Variants in MAST2 observed in about 807,000 individuals in gnomAD.
MAST2 encodes microtubule-associated serine/threonine-protein kinase 2.
A neutral mutation model predicts 147.4 loss-of-function variants in MAST2; 70 were observed. The observed-to-expected ratio is 0.47, with a 90% CI of 0.39 to 0.58. The LOEUF is 0.58. Ranked by LOEUF, MAST2 falls within the 20% of genes least tolerant of loss-of-function variation. The probability of loss-of-function intolerance (pLI) is 0.00; values close to 1 mark genes in which losing one functional copy is unlikely to be tolerated. For missense variants in MAST2, 2,080 were observed against 2,302.3 expected, an observed-to-expected ratio of 0.90 and a Z score of 1.98; for synonymous variants, 869 against 896.8, an observed-to-expected ratio of 0.97 and a Z score of 0.55.
intron 4 of MAST2, among the ~76,000 whole-genome samples, chr1:45,918,893 G>C (rs1056293298): frequency 2.1e-4 from 32 of 152,258 alleles, no homozygotes; most frequent in African/African-American, 7.0e-4. Flanking sequence ...TGAGCGGATT[G>C]CTTGAGTTCA....
chr1:45,880,149 A>T (rs1045526463), intron 3 of MAST2, among the ~76,000 whole-genome samples: 1 of 152,226 alleles, frequency 6.6e-6, no homozygotes, highest in Admixed American at 6.5e-5. Flanking sequence ...TAGCTTGTCA[A>T]AAAACATGTT....
At chr1:45,910,237 T>G (rs1651471645) in intron 4 of MAST2, among the ~76,000 whole-genome samples, 1 of 152,042 alleles carries the variant, frequency 6.6e-6, no homozygotes, top group African/African-American at 2.4e-5. Context: ...TCATTTTCAG[T>G]GATCTGTAGG....
intron 3 of MAST2, among the ~76,000 whole-genome samples, chr1:45,869,720 T>A (rs1181008661): frequency 1.3e-5 from 2 of 152,252 alleles, no homozygotes; most frequent in Non-Finnish European, 2.9e-5. Context: ...TTTCTTACTG[T>A]TACAAAAAAT....
chr1:45,986,486 C>T (rs987311673), intron 5 of MAST2, among the ~76,000 whole-genome samples: 3 of 151,966 alleles, frequency 2.0e-5, no homozygotes, highest in Non-Finnish European at 4.4e-5. Context: ...GAGGCCGAGG[C>T]GGGCGGATCA....
At chr1:45,840,397 A>G (rs1281781164) in intron 3 of MAST2, among the ~76,000 whole-genome samples, 1 of 152,202 alleles carries the variant, frequency 6.6e-6, no homozygotes, top group Non-Finnish European at 1.5e-5. Flanking sequence ...GAATGAAATC[A>G]TTGTGAATGC....
chr1:45,829,814 G>A (rs1039113120), intron 3 of MAST2, among the ~76,000 whole-genome samples: 1 of 151,548 alleles, frequency 6.6e-6, no homozygotes, highest in Non-Finnish European at 1.5e-5. Context: ...AACCTTCCAA[G>A]TAGCAGGGAC....
chr1:45,973,587 C>A (rs1037246967), intron 5 of MAST2, among the ~76,000 whole-genome samples: 2 of 152,120 alleles, frequency 1.3e-5, no homozygotes, highest in African/African-American at 2.4e-5. Flanking sequence ...GATCTTAAAT[C>A]TGTGTGTCTA....
At chr1:46,015,796 A>G (rs1402878717) in intron 10 of MAST2, among the ~76,000 whole-genome samples, 2 of 152,246 alleles carry the variant, frequency 1.3e-5, no homozygotes, top group Admixed American at 1.3e-4. Flanking sequence ...ATCAATAGAA[A>G]AAGAGGGAAT....
In MAST2 at chr1:46,032,246, C is replaced by T. The variant is rs376892493; in HGVS notation, c.3256C>T (p.Arg1086Trp). ...PHSQSSNPSS[R>W]DSSPSRDFLP... is the part of the protein sequence containing the mutation. ...TTCTCAGTCGTCCAACCCATCATCCCGGGACTCTTCTCCAAGCAGGGACTT... is the reference window on the plus strand; with the variant it reads ...TTCTCAGTCGTCCAACCCATCATCCTGGGACTCTTCTCCAAGCAGGGACTT... The change falls in exon 25 of 29, where the codon CGG (arginine) becomes TGG (tryptophan). Residue 1086 changes from arginine to tryptophan, a missense_variant. This residue lies in a region of MAST2 where 1,278 missense variants were observed against 1,304.2 expected (regional missense o/e 0.98). Coordinates refer to ENST00000361297, the MANE Select transcript of MAST2 (RefSeq NM_015112.3). 66 of 1,614,072 alleles carry T rather than the reference C, an allele frequency of 4.1e-5. No individual in the cohort carries two copies. The African/African-American group carries it at 5.1e-4, about 12-fold the overall frequency.
At chr1:45,941,602 A>G (rs973094460) in intron 4 of MAST2, among the ~76,000 whole-genome samples, 1 of 152,178 alleles carries the variant, frequency 6.6e-6, no homozygotes, top group Non-Finnish European at 1.5e-5. Context: ...TTCTACATAT[A>G]GGATTGTTTT....
At chr1:45,847,364 A>G (rs1002713162) in intron 3 of MAST2, 70 of 503,810 alleles carry the variant, frequency 1.4e-4, no homozygotes, top group Admixed American at 1.2e-4. Context: ...AATTTAATTT[A>G]AGTACCTTTC....
chr1:45,890,327 A>G (rs1486144389), intron 4 of MAST2, among the ~76,000 whole-genome samples: 1 of 152,248 alleles, frequency 6.6e-6, no homozygotes, highest in Non-Finnish European at 1.5e-5. Context: ...CTTAAATAAC[A>G]AAAATTTATT....
At chr1:45,867,569 A>C (rs1240674168) in intron 3 of MAST2, among the ~76,000 whole-genome samples, 2 of 151,964 alleles carry the variant, frequency 1.3e-5, no homozygotes, top group Non-Finnish European at 2.9e-5. Context: ...TGGTATATTG[A>C]GAGTAGACAG....
At chr1:46,007,871 G>A (rs1645551967) in intron 8 of MAST2, among the ~76,000 whole-genome samples, 1 of 152,206 alleles carries the variant, frequency 6.6e-6, no homozygotes, top group Admixed American at 6.5e-5. Flanking sequence ...GAAAAAAAAT[G>A]TACGTGTGCA....
chr1:45,850,395 G>C (rs1278351700), intron 3 of MAST2, among the ~76,000 whole-genome samples: 2 of 152,146 alleles, frequency 1.3e-5, no homozygotes, highest in African/African-American at 4.8e-5. Flanking sequence ...TCTGTAGGCT[G>C]TTAACTCTAC....
At chr1:45,859,391 C>T (rs572886217) in intron 3 of MAST2, among the ~76,000 whole-genome samples, 37 of 152,332 alleles carry the variant, frequency 2.4e-4, no homozygotes, top group African/African-American at 5.5e-4. Context: ...TGAGCCACCA[C>T]GCCTGGCCCT....
At position 46,010,789 on chromosome 1, in the gene MAST2, C is replaced by A. The variant is rs779766685; in HGVS notation, c.1038C>A (p.Ser346Arg). ...AEFISSNTPD[S>R]VLPLADGALS... ...TTATTTCCTCCAACACTCCAGACAG[C>A]GTGCTGCCCTTGGCAGATGGAGCCC... Residue 346 changes from serine to arginine, a missense_variant, in exon 10 of 29, where the codon AGC becomes AGA. Transcript: ENST00000361297. 6.2e-7 allele frequency: 1 copy of A among 1,614,170 alleles called. No individual in the cohort carries two copies. Among genetic ancestry groups the A allele is most frequent in the South Asian group, 1.1e-5 (1 of 91,078 alleles).
chr1:45,900,446 A>ATT (rs908880746), intron 4 of MAST2, among the ~76,000 whole-genome samples: 949 of 9,960 alleles, frequency 0.095, 425 homozygotes, highest in Non-Finnish European at 0.12. Context: ...GATGTTGGAT[A>ATT]TTTTTTTTTT....
chr1:45,969,469 C>T (rs182099269), intron 5 of MAST2, among the ~76,000 whole-genome samples: 69 of 152,248 alleles, frequency 4.5e-4, no homozygotes, highest in African/African-American at 1.6e-3. Flanking sequence ...TATTTACAGC[C>T]GCTCCTTATC....
Sources: gnomAD v4.1 joint callset for allele counts (sites outside exome capture counted in the v4.1 genomes callset) on GRCh38, gnomAD v4.1.1 for gene constraint, gnomAD v4.1.1 regional missense constraint, MANE v1.5 for transcripts, NCBI Gene and HGNC (gene_info 2026-07-23, HGNC 2026-07-21) for gene names.